Variants in ZNF551 observed in about 807,000 individuals in gnomAD.
The protein encoded by ZNF551 is zinc finger protein 551.
ZNF551 carries 5 observed loss-of-function variants against 7.9 expected under a neutral mutation model. That is an observed-to-expected ratio of 0.63 (90% CI 0.33 to 1.33). The LOEUF is 1.33. Ranked by LOEUF, ZNF551 falls within the 40% of genes most tolerant of loss-of-function variation. The pLI, the probability that ZNF551 is intolerant of heterozygous loss-of-function variation, is 0.05. For missense variants in ZNF551, 788 were observed against 825.2 expected (o/e 0.95, Z 0.55); for synonymous variants, 287 against 277.3 (o/e 1.03, Z -0.35).
chr19:57,687,670 C>G lies in ZNF551; in HGVS notation c.1395C>G (p.His465Gln). Residue 465 changes from histidine (H) to glutamine (Q), a missense_variant, in exon 3 of 3, where the codon CAC becomes CAG. By Grantham distance (24) the His-to-Gln change is conservative (BLOSUM62 0). Transcript: ENST00000282296. ...GACAATTCTCTAACCTCATTCGACA[C>G]CGCAGCATTCACACTGGTGATAGGC... Reference protein sequence around the residue: ...SFRQFSNLIRHRSIHTGDRPY... With the variant: ...SFRQFSNLIRQRSIHTGDRPY... 6.2e-7 allele frequency: 1 copy of G among 1,614,130 alleles called. No homozygotes were observed. Among genetic ancestry groups the G allele is most frequent in the Non-Finnish European group, 8.5e-7 (1 of 1,180,024 alleles).
chr19:57,685,194 G>A, intron 1 of ZNF551, 68 bp from the exon 2 acceptor site: 2 of 1,587,912 alleles, frequency 1.3e-6, no homozygotes, highest in Non-Finnish European at 8.6e-7. Flanking sequence ...CCTGGGGATG[G>A]ATGTTGGGGG....
At chr19:57,684,118 C>A (rs1037005689) in intron 1 of ZNF551, among the ~76,000 whole-genome samples, 1 of 152,086 alleles carries the variant, frequency 6.6e-6, no homozygotes, top group African/African-American at 2.4e-5. Flanking sequence ...ACAGGTGATT[C>A]TTGATGGGTG....
In ZNF551 at chr19:57,689,295, C is replaced by T. The variant is rs908602015; in HGVS notation, c.*1007C>T. ...CATATAAGTCAGTGTAGACTGGTGC[C>T]ATTTGTTGTCAGACTATAGGTGTGG... On this transcript the variant is annotated 3_prime_UTR_variant, in exon 3 of 3. Coordinates refer to ENST00000282296, the MANE Select transcript of ZNF551 (RefSeq NM_138347.5). 1.3e-5 allele frequency: 2 copies of T among 152,100 alleles called. No individual in the cohort carries two copies. Among genetic ancestry groups the T allele is most frequent in the Non-Finnish European group, 2.9e-5 (2 of 68,016 alleles). The allele number at this position is 152,100 out of a possible 1,614,324, so 9.4% of individuals were successfully genotyped here.
In ZNF551 at chr19:57,686,731, G is replaced by A. The variant is rs201442055; in HGVS notation, c.456G>A (p.Lys152=). 41 of 1,614,176 alleles carry A rather than the reference G, an allele frequency of 2.5e-5. No individual in the cohort carries two copies. Among genetic ancestry groups the A allele is most frequent in the Non-Finnish European group, 3.2e-5 (38 of 1,180,050 alleles). Residue 152 remains lysine (K), a synonymous_variant, in exon 3 of 3, where the codon AAG becomes AAA. Coordinates refer to ENST00000282296, the MANE Select transcript of ZNF551 (RefSeq NM_138347.5). ...GTGCTGACCTTCACCAGCATCAAAAGCATTACAATGAAGAAGAGCCCTGGA... is the reference window on the plus strand; with the variant it reads ...GTGCTGACCTTCACCAGCATCAAAAACATTACAATGAAGAAGAGCCCTGGA... ...CFSADLHQHQ[K]HYNEEEPWKR... is the part of the protein sequence containing the mutation.
intron 1 of ZNF551, among the ~76,000 whole-genome samples, chr19:57,684,246 G>A (rs1472275231): frequency 1.3e-5 from 2 of 152,202 alleles, no homozygotes; most frequent in Non-Finnish European, 2.9e-5. Flanking sequence ...GAATTTGCCA[G>A]CCACTCTCTG....
chr19:57,686,334 A>G (rs1187786203), intron 2 of ZNF551, 147 bp from the exon 3 acceptor site: 1 of 1,062,492 alleles, frequency 9.4e-7, no homozygotes, highest in African/African-American at 1.6e-5. Context: ...AAAACCCAGT[A>G]CTTCAAACCA....
rs1984578326 is a variant in ZNF551 at position 57,686,942 on chromosome 19, T to C, written c.667T>C (p.Tyr223His). ...IQAFFNAKSY[Y>H]KWGEYRKASS... ...GGCATTTTTCAATGCAAAAAGTTAT[T>C]ACAAGTGGGGTGAATACAGAAAAGC... Residue 223 changes from tyrosine (Y) to histidine (H), a missense_variant, in exon 3 of 3, where the codon TAC becomes CAC. By Grantham distance (83) the Tyr-to-His change is moderately conservative. Transcript: ENST00000282296. The C allele has an allele frequency of 6.2e-7, 1 of 1,614,192 alleles. No homozygotes were observed. The highest frequency in any genetic ancestry group is 8.5e-7 in the Non-Finnish European group (1 of 1,180,050).
chr19:57,684,824 A>G (rs1984502091), intron 1 of ZNF551, among the ~76,000 whole-genome samples: 1 of 152,166 alleles, frequency 6.6e-6, no homozygotes, highest in Non-Finnish European at 1.5e-5. Flanking sequence ...AGAGTGATGT[A>G]CATGAGAAGA....
chr19:57,685,164 TG>T, intron 1 of ZNF551, 97 bp from the exon 2 acceptor site: 1 of 1,534,256 alleles, frequency 6.5e-7, no homozygotes, highest in African/African-American at 1.4e-5. Flanking sequence ...TTATCTCCGC[TG>T]AGGTGGGCAA....
At position 57,687,494 on chromosome 19, in the gene ZNF551, A is replaced by AT. The variant is rs1568456517; in HGVS notation, c.1221dup (p.Arg408SerfsTer3). The AT allele has an allele frequency of 9.3e-6, 15 of 1,606,872 alleles. No homozygotes were observed. Among genetic ancestry groups the AT allele is most frequent in the Non-Finnish European group, 1.3e-5 (15 of 1,173,614 alleles). On this transcript the variant is annotated frameshift_variant, in exon 3 of 3. Coordinates refer to ENST00000282296, the MANE Select transcript of ZNF551 (RefSeq NM_138347.5). LOFTEE classifies it low-confidence loss of function (END_TRUNC). ...ATCCTTTAGACAAATCTTCAATCTC[A>AT]TTCGACATAGAAGAGTTCACACTGG...
Position 57,690,553 on chromosome 19 carries a change from C to G in ZNF551, c.*2265C>G, listed in dbSNP as rs1206664178. 6.6e-6 allele frequency: 1 copy of G among 152,094 alleles called. No individual in the cohort carries two copies. The highest frequency in any genetic ancestry group is 1.5e-5 in the Non-Finnish European group (1 of 68,034). 9.4% of individuals were successfully genotyped at this position (152,094 alleles called of 1,614,324 possible). A position where few individuals can be genotyped will look rare whatever the true frequency, so the allele number is the denominator to read the frequency against. On this transcript the variant is annotated 3_prime_UTR_variant, in exon 3 of 3. Transcript: ENST00000282296. The stretch of plus-strand genomic sequence containing the variant: ...TTGTATTGCTGAGTATCATGCTGTT[C>G]TATGGATAAGTCAGTGTTTATCCAT...
rs762443506 is a variant in ZNF551 at position 57,685,348 on chromosome 19, T to C, written c.168T>C (p.Asp56=). The change falls in exon 2 of 3, where the codon GAT becomes GAC. Residue 56 remains aspartate, a synonymous_variant. Transcript: ENST00000282296. ...AGTCTCAGAGGTTCCTGTACTGCGA[T>C]GTGATGCTGGAGAACTTTGCACATG... The part of the protein sequence containing the change: ...LDESQRFLYC[D]VMLENFAHVT... 5.6e-6 allele frequency: 9 copies of C among 1,614,160 alleles called. No homozygotes were observed. Among genetic ancestry groups the C allele is most frequent in the South Asian group, 1.1e-5 (1 of 91,082 alleles).
In ZNF551 at chr19:57,686,614, G is replaced by C. The variant is rs1984563236; in HGVS notation, c.339G>C (p.Leu113Phe). The C allele has an allele frequency of 1.2e-6, 2 of 1,614,190 alleles. No homozygotes were observed. Among genetic ancestry groups the C allele is most frequent in the South Asian group, 1.1e-5 (1 of 91,084 alleles). ...LSEIKMCVPV[L>F]KDILPAAEHQ... The stretch of plus-strand genomic sequence containing the variant: ...AGATTAAGATGTGTGTCCCAGTCTT[G>C]AAAGACATTTTGCCTGCGGCTGAGC... The change falls in exon 3 of 3, where the codon TTG (leucine) becomes TTC (phenylalanine). Residue 113 changes from leucine to phenylalanine, a missense_variant. By Grantham distance (22) the Leu-to-Phe change is conservative. Coordinates refer to ENST00000282296, the MANE Select transcript of ZNF551 (RefSeq NM_138347.5).
Position 57,688,096 on chromosome 19 carries a change from A to T in ZNF551, c.1821A>T (p.Arg607Ser), listed in dbSNP as rs754388792. The T allele has an allele frequency of 1.9e-6, 3 of 1,614,030 alleles. No homozygotes were observed. The South Asian group carries it at 3.3e-5, about 18-fold the overall frequency. ...GCTCTAGCCTCATTCAACACCAGAG[A>T]GGTCACACTGGAGAAAGACCTTATG... ...SQSSSLIQHQ[R>S]GHTGERPYEC... The change falls in exon 3 of 3, where the codon AGA (arginine) becomes AGT (serine). Residue 607 changes from arginine to serine, a missense_variant. By Grantham distance (110) the Arg-to-Ser change is moderately radical. Transcript: ENST00000282296.
chr19:57,686,805 T>G lies in ZNF551; in HGVS notation c.530T>G (p.Val177Gly). ...TTTGTGACCGGCTGCAGATTCCATG[T>G]GTTGAATTATTTCACCTGTGGGGAG... ...ATFVTGCRFH[V>G]LNYFTCGEAF... is the part of the protein sequence containing the mutation. Residue 177 changes from valine (V) to glycine (G), a missense_variant, in exon 3 of 3, where the codon GTG (valine) becomes GGG (glycine). Physicochemically the swap from Val to Gly is moderately radical, Grantham distance 109. Transcript: ENST00000282296. 1 of 1,614,226 alleles carries G rather than the reference T, an allele frequency of 6.2e-7. No individual in the cohort carries two copies. The highest frequency in any genetic ancestry group is 8.5e-7 in the Non-Finnish European group (1 of 1,180,040).
At chr19:57,684,313 C>G (rs1325653051) in intron 1 of ZNF551, among the ~76,000 whole-genome samples, 1 of 152,092 alleles carries the variant, frequency 6.6e-6, no homozygotes, top group Non-Finnish European at 1.5e-5. Context: ...TGGTATGAGG[C>G]AGGAAGTAAG....
chr19:57,687,754 C>T lies in ZNF551; in HGVS notation c.1479C>T (p.His493=), dbSNP rs1984624384. ...GCCGCAAATTTATCCTGATTCAACA[C>T]CAAAGAGTTCACACTGGAGAAAGAC... ...SFSRKFILIQ[H]QRVHTGERPY... is the part of the protein sequence containing the mutation. Residue 493 remains histidine (H), a synonymous_variant, in exon 3 of 3, where the codon CAC becomes CAT. Transcript: ENST00000282296. The T allele has an allele frequency of 2.5e-6, 4 of 1,614,024 alleles. No individual in the cohort carries two copies. The highest frequency in any genetic ancestry group is 3.4e-6 in the Non-Finnish European group (4 of 1,179,994).
At chr19:57,682,270 G>C (rs773196129) in intron 1 of ZNF551, 26 bp downstream of exon 1, 1 of 1,547,516 alleles carries the variant, frequency 6.5e-7, no homozygotes, top group Non-Finnish European at 8.7e-7. Flanking sequence ...TCCGGGTCTC[G>C]CCTACCTCCC....
At position 57,689,709 on chromosome 19, in the gene ZNF551, G is replaced by A. The variant is rs1477754649; in HGVS notation, c.*1421G>A. Reference sequence around the variant, plus strand: ...AGCCACTTGGGAGGCTGAGGCAGGAGAATCGCTTGAACCCAGAAGGCGGAA... The same window carrying A: ...AGCCACTTGGGAGGCTGAGGCAGGAAAATCGCTTGAACCCAGAAGGCGGAA... On this transcript the variant is annotated 3_prime_UTR_variant, in exon 3 of 3. Coordinates refer to ENST00000282296, the MANE Select transcript of ZNF551 (RefSeq NM_138347.5). 2.6e-5 allele frequency: 4 copies of A among 152,156 alleles called. No homozygotes were observed. Among genetic ancestry groups the A allele is most frequent in the Non-Finnish European group, 5.9e-5 (4 of 68,156 alleles). 9.4% of individuals were successfully genotyped at this position (152,156 alleles called of 1,614,324 possible).
Sources: allele counts gnomAD v4.1 joint callset (sites outside exome capture counted in the v4.1 genomes callset), GRCh38; gene constraint gnomAD v4.1.1; transcripts MANE v1.5; gene names NCBI Gene and HGNC (gene_info 2026-07-23, HGNC 2026-07-21).